Variants in FRRS1L observed in about 807,000 individuals in gnomAD.
The protein encoded by FRRS1L is ferric chelate reductase 1 like.
Under a neutral mutation model 28.6 loss-of-function variants are expected in FRRS1L, and 22 were observed. That is an observed-to-expected ratio of 0.77 (90% confidence interval 0.55 to 1.10). FRRS1L has a LOEUF of 1.10. Among genes scored for constraint, FRRS1L ranks in the 50% least tolerant of loss-of-function variants. The pLI is 0.00. For missense variants in FRRS1L, 380 were observed against 386.9 expected, an observed-to-expected ratio of 0.98 and a Z score of 0.15; for synonymous variants, 158 against 151.4, an observed-to-expected ratio of 1.04 and a Z score of -0.32.
Position 109,141,248 on chromosome 9 carries a change from T to C in FRRS1L, c.709+95A>G, listed in dbSNP as rs968806911. On this transcript the variant is annotated intron_variant, in intron 4 of 4. Coordinates refer to ENST00000561981, the MANE Select transcript of FRRS1L (RefSeq NM_014334.4). ...TCCTTTAAATGATCCAGAGTGCTTA[T>C]CGCTCTCTTGTGCACACAGTGTGAC... 4 of 1,377,268 alleles carry C rather than the reference T, an allele frequency of 2.9e-6. No individual in the cohort carries two copies. In the African/African-American group the frequency reaches 5.7e-5, roughly 20 times the overall value. 85.3% of individuals were successfully genotyped at this position (1,377,268 alleles called of 1,614,324 possible).
intron 1 of FRRS1L, among the ~76,000 whole-genome samples, chr9:109,162,730 T>C (rs1005157517): frequency 1.3e-5 from 2 of 152,202 alleles, no homozygotes; most frequent in African/African-American, 4.8e-5. Flanking sequence ...TCCAGATTAG[T>C]AGAGTGGTAA....
At chr9:109,150,188 C>T (rs1191445228) in intron 1 of FRRS1L, 1 of 152,370 alleles carries the variant, frequency 6.6e-6, no homozygotes, top group Non-Finnish European at 1.5e-5. Flanking sequence ...CTGTAGGTAA[C>T]ATTTTCTTAG....
chr9:109,167,181 G>C lies in FRRS1L; in HGVS notation c.-43C>G, dbSNP rs969535888. On this transcript the variant is annotated 5_prime_UTR_variant, in exon 1 of 5. Coordinates refer to ENST00000561981, the MANE Select transcript of FRRS1L (RefSeq NM_014334.4). ...GCAGCCAGGCCGCTCGGGCCGCAGC[G>C]GGGGCGCCGCGGGCGCGGGCCGGGA... The C allele has an allele frequency of 1.7e-6, 2 of 1,157,678 alleles. No homozygotes were observed. The highest frequency in any genetic ancestry group is 4.8e-5 in the Admixed American group (1 of 20,982). 71.7% of individuals were successfully genotyped at this position (1,157,678 alleles called of 1,614,324 possible).
At chr9:109,158,864 T>G (rs2118506086) in intron 1 of FRRS1L, among the ~76,000 whole-genome samples, 1 of 152,374 alleles carries the variant, frequency 6.6e-6, no homozygotes, top group South Asian at 2.1e-4. Flanking sequence ...ATGGTAATTC[T>G]GTGTTTAACT....
chr9:109,143,517 T>TA (rs1491504275), intron 3 of FRRS1L, among the ~76,000 whole-genome samples: 1 of 2,050 alleles, frequency 4.9e-4, no homozygotes, highest in African/African-American at 9.6e-3. Flanking sequence ...ATAATGCACC[T>TA]TTTTTTTTTT....
intron 3 of FRRS1L, among the ~76,000 whole-genome samples, chr9:109,143,259 GAGCCGAAATA>G (rs890116015): frequency 6.6e-6 from 1 of 152,026 alleles, no homozygotes; most frequent in Non-Finnish European, 1.5e-5. Context: ...AGGCTGCAGT[GAGCCGAAATA>G]GTGCCACTGA....
At chr9:109,161,275 G>A (rs1202661067) in intron 1 of FRRS1L, among the ~76,000 whole-genome samples, 1 of 151,836 alleles carries the variant, frequency 6.6e-6, no homozygotes, top group Non-Finnish European at 1.5e-5. Context: ...GTTTTGGCTT[G>A]TTCCTTTCTC....
rs913722648 is a variant in FRRS1L, at chr9:109,131,736, G to A, written c.*5719C>T. On this transcript the variant is annotated 3_prime_UTR_variant, in exon 5 of 5. Transcript: ENST00000561981. ...CCATCCAAATTCGGGGATCGTCTGT[G>A]TATATAAACACATGGAGAACCACCT... 6.6e-6 allele frequency: 1 copy of A among 152,212 alleles called. No homozygotes were observed. The highest frequency in any genetic ancestry group is 2.4e-5 in the African/African-American group (1 of 41,448). The allele number at this position is 152,212 out of a possible 1,614,324, so 9.4% of individuals were successfully genotyped here. A position where few individuals can be genotyped will look rare whatever the true frequency, so the allele number is the denominator to read the frequency against.
intron 1 of FRRS1L, among the ~76,000 whole-genome samples, chr9:109,163,846 G>C (rs1198393848): frequency 6.6e-6 from 1 of 152,130 alleles, no homozygotes; most frequent in Non-Finnish European, 1.5e-5. Context: ...CACTTGCCAC[G>C]TCCTCCAAGG....
At chr9:109,160,791 CTTTTTT>C (rs750103312) in intron 1 of FRRS1L, among the ~76,000 whole-genome samples, 12 of 114,386 alleles carry the variant, frequency 1.0e-4, no homozygotes, top group Non-Finnish European at 1.4e-4. Context: ...AGAAAGAAAT[CTTTTTT>C]TTTTTTTTTT....
intron 1 of FRRS1L, among the ~76,000 whole-genome samples, chr9:109,159,994 T>C (rs1178697076): frequency 6.6e-6 from 1 of 152,226 alleles, no homozygotes; most frequent in Non-Finnish European, 1.5e-5. Flanking sequence ...TACACTTATC[T>C]GTCTTATTAA....
At chr9:109,152,579 C>T (rs1349332629) in intron 1 of FRRS1L, among the ~76,000 whole-genome samples, 7 of 151,240 alleles carry the variant, frequency 4.6e-5, no homozygotes, top group Admixed American at 1.3e-4. Context: ...CCAAGGTGGG[C>T]AGATCATGAG....
chr9:109,145,613 G>A (rs542859134), intron 3 of FRRS1L, among the ~76,000 whole-genome samples: 3 of 150,942 alleles, frequency 2.0e-5, no homozygotes, highest in Admixed American at 6.6e-5. Context: ...TTGGGAGCCC[G>A]AGGCAGAAAA....
At chr9:109,157,986 A>G (rs1831432362) in intron 1 of FRRS1L, among the ~76,000 whole-genome samples, 1 of 152,040 alleles carries the variant, frequency 6.6e-6, no homozygotes, top group South Asian at 2.1e-4. Flanking sequence ...TTCCTTTCTC[A>G]TTGTGTCCTT....
chr9:109,133,483 A>C lies in FRRS1L; in HGVS notation c.*3972T>G, dbSNP rs1049136553. ...TATGGATAGTGGGTTCCATTTAATA[A>C]AAGTTTTAATGGATGTGCACGAAGG... is the stretch of plus-strand genomic sequence containing the variant. On this transcript the variant is annotated 3_prime_UTR_variant, in exon 5 of 5. Coordinates refer to ENST00000561981, the MANE Select transcript of FRRS1L (RefSeq NM_014334.4). 6.6e-6 allele frequency: 1 copy of C among 152,240 alleles called. No individual in the cohort carries two copies. Among genetic ancestry groups the C allele is most frequent in the African/African-American group, 2.4e-5 (1 of 41,476 alleles). The allele number at this position is 152,240 out of a possible 1,614,324, so 9.4% of individuals were successfully genotyped here.
chr9:109,143,536 C>T (rs72761810), intron 3 of FRRS1L, among the ~76,000 whole-genome samples: 21,614 of 148,180 alleles, frequency 0.15, 1,855 homozygotes, highest in African/African-American at 0.17. Flanking sequence ...TTTTTTTCCC[C>T]GACAGAGTCT....
At chr9:109,166,275 G>A (rs1453468142) in intron 1 of FRRS1L, among the ~76,000 whole-genome samples, 1 of 152,144 alleles carries the variant, frequency 6.6e-6, no homozygotes, top group Non-Finnish European at 1.5e-5. Context: ...CAGTCTGCGG[G>A]CCCAGCAGGC....
At chr9:109,147,849 C>G (rs1246649657) in intron 2 of FRRS1L, 1 of 152,144 alleles carries the variant, frequency 6.6e-6, no homozygotes, top group Non-Finnish European at 1.5e-5. Flanking sequence ...CATGATGGCT[C>G]AACTCTTCAC....
At chr9:109,160,202 C>T (rs1831462356) in intron 1 of FRRS1L, among the ~76,000 whole-genome samples, 2 of 152,156 alleles carry the variant, frequency 1.3e-5, no homozygotes. Context: ...CAACAGCCAA[C>T]TGCCTCCAGG....
Sources: allele counts gnomAD v4.1 joint callset (sites outside exome capture counted in the v4.1 genomes callset), GRCh38; gene constraint gnomAD v4.1.1; transcripts MANE v1.5; gene names NCBI Gene and HGNC (gene_info 2026-07-23, HGNC 2026-07-21).